STK32C: variants seen among roughly 807,000 people sequenced by gnomAD.
The protein encoded by STK32C is serine/threonine kinase 32C, also known as serine/threonine-protein kinase 32C.
A neutral mutation model predicts 56.5 loss-of-function variants in STK32C; 31 were observed. The observed-to-expected ratio is 0.55, with a 90% CI of 0.41 to 0.74. The LOEUF (loss-of-function observed/expected upper bound fraction) is 0.74, where lower values mean the gene tolerates loss of function less well. Among genes scored for constraint, STK32C ranks in the 30% least tolerant of loss-of-function variants. STK32C has a pLI of 0.00. For synonymous variants in STK32C, 309 were observed against 289.4 expected (o/e 1.07, Z -0.69); for missense variants, 544 against 676.9 (o/e 0.80, Z 2.18).
At chr10:132,329,594 A>C (rs1482242097) in intron 1 of STK32C, among the ~76,000 whole-genome samples, 1 of 152,242 alleles carries the variant, frequency 6.6e-6, no homozygotes. Flanking sequence ...CAGATTAAAC[A>C]AACTAATTGG....
At chr10:132,224,915 G>A (rs2062829374) in intron 7 of STK32C, among the ~76,000 whole-genome samples, 1 of 152,204 alleles carries the variant, frequency 6.6e-6, no homozygotes, top group South Asian at 2.1e-4. Context: ...TAAGAGCACA[G>A]GGCCCCAAAA....
intron 10 of STK32C, among the ~76,000 whole-genome samples, chr10:132,218,253 A>T (rs2062529686): frequency 6.6e-6 from 1 of 152,194 alleles, no homozygotes; most frequent in South Asian, 2.1e-4. Flanking sequence ...CAGGAAGTCA[A>T]GGCTGAAGTG....
At chr10:132,322,736 G>A (rs1019128626), downstream of STK32C, among the ~76,000 whole-genome samples, 6 of 152,196 alleles carry the variant, frequency 3.9e-5, no homozygotes, top group Non-Finnish European at 5.9e-5. Flanking sequence ...CCTGATCTGG[G>A]AAGCCCTCCT....
intron 1 of STK32C, among the ~76,000 whole-genome samples, chr10:132,248,160 C>T: frequency 6.6e-6 from 1 of 152,248 alleles, no homozygotes; most frequent in Non-Finnish European, 1.5e-5. Context: ...GCCGCGGCCG[C>T]ACAGGCAGGG....
At chr10:132,331,355 G>T in intron 1 of STK32C, 2 of 1,424,744 alleles carry the variant, frequency 1.4e-6, no homozygotes, top group Non-Finnish European at 1.9e-6. Context: ...GGTTCCACAG[G>T]ACCACGCGAG....
At chr10:132,297,952 T>A (rs1163359241) in intron 1 of STK32C, among the ~76,000 whole-genome samples, 1 of 152,266 alleles carries the variant, frequency 6.6e-6, no homozygotes, top group Non-Finnish European at 1.5e-5. Context: ...AGATGCTTTG[T>A]GTCTCCTGGG....
chr10:132,305,577 C>T (rs1183897634), intron 1 of STK32C, among the ~76,000 whole-genome samples: 1 of 152,210 alleles, frequency 6.6e-6, no homozygotes, highest in African/African-American at 2.4e-5. Flanking sequence ...AGGCAAATGA[C>T]TGCACCAACC....
chr10:132,261,791 G>A (rs1439355850), intron 1 of STK32C, among the ~76,000 whole-genome samples: 2 of 152,080 alleles, frequency 1.3e-5, no homozygotes, highest in East Asian at 3.8e-4. Context: ...AAAGAAGTCA[G>A]AGATGACACA....
upstream of STK32C, chr10:132,307,995 G>A (rs1163976046): frequency 7.2e-6 from 7 of 968,130 alleles, no homozygotes; most frequent in Non-Finnish European, 7.4e-6. This position sits in a 1 kb window ranked among gnomAD's most constrained non-coding sequence, Gnocchi z 4.4. Context: ...TGGGGGCGGG[G>A]CAGGGGCGGG....
At chr10:132,228,212 G>C in intron 2 of STK32C, 84 bp from the exon 3 acceptor site, 2 of 1,587,696 alleles carry the variant, frequency 1.3e-6, no homozygotes, top group Non-Finnish European at 1.7e-6. Context: ...GGGGATGCCT[G>C]GGGACGCATC....
At chr10:132,223,075 A>T in intron 8 of STK32C, 89 bp from the exon 9 acceptor site, 3 of 1,478,164 alleles carry the variant, frequency 2.0e-6, no homozygotes, top group Non-Finnish European at 2.7e-6. Flanking sequence ...CACCTTGAGG[A>T]GGGTCCCACC....
At chr10:132,259,017 T>TA (rs1565119819) in intron 1 of STK32C, among the ~76,000 whole-genome samples, 1 of 149,964 alleles carries the variant, frequency 6.7e-6, no homozygotes, top group Non-Finnish European at 1.5e-5. Context: ...AACAGGGCTA[T>TA]AGCTTGGGAG....
At position 132,318,621 on chromosome 10, in the gene STK32C, C is replaced by CAA. The variant is rs1289169803; in HGVS notation, c.301+12813_301+12814dup. Among the ~76,000 whole-genome samples the CAA allele has an allele frequency of 1.9e-3, 225 of 117,556 alleles. 2 individuals carry two copies. Among genetic ancestry groups the CAA allele is most frequent in the African/African-American group, 6.2e-3 (200 of 32,170 alleles). The allele number at this position is 117,556 out of a possible 152,430, so 77.1% of individuals were successfully genotyped here. Reference sequence around the variant, plus strand: ...CAGAGTGAGACCTTGCCTCAAAAAACAAAAAAAAAAAGGAAAAGAAAAGAA... The same window carrying CAA: ...CAGAGTGAGACCTTGCCTCAAAAAACAAAAAAAAAAAAAGGAAAAGAAAAGAA... On this transcript the variant is annotated intron_variant, in intron 1 of 3. Coordinates refer to the STK32C transcript ENST00000368620.
In STK32C at chr10:132,224,654, A is replaced by G. The variant is rs374680180; in HGVS notation, c.877-131T>C. 49 of 693,242 alleles carry G rather than the reference A, an allele frequency of 7.1e-5. No individual in the cohort carries two copies. In the Middle Eastern group the frequency reaches 1.5e-3, roughly 21 times the overall value. The allele number at this position is 693,242 out of a possible 1,614,324, so 42.9% of individuals were successfully genotyped here. On this transcript the variant is annotated intron_variant, in intron 7 of 11. Transcript: ENST00000298630. ...CCCAAGTGCAGGCACAGCTCTGAGCACAGCCTGGCCTCCACCTGCCGCGGA... is the reference window on the plus strand; with the variant it reads ...CCCAAGTGCAGGCACAGCTCTGAGCGCAGCCTGGCCTCCACCTGCCGCGGA...
chr10:132,267,060 G>A (rs1460367177), intron 1 of STK32C, among the ~76,000 whole-genome samples: 7 of 152,212 alleles, frequency 4.6e-5, no homozygotes, highest in African/African-American at 1.7e-4. Context: ...ACCCAAAGCT[G>A]GGTCAGAAGC....
At chr10:132,252,871 G>A (rs964909129) in intron 1 of STK32C, among the ~76,000 whole-genome samples, 1 of 152,170 alleles carries the variant, frequency 6.6e-6, no homozygotes, top group African/African-American at 2.4e-5. Context: ...CCGAGCGTGG[G>A]GCCGCCTCCT....
intron 10 of STK32C, among the ~76,000 whole-genome samples, chr10:132,211,366 C>T (rs967558938): frequency 5.3e-5 from 8 of 152,190 alleles, no homozygotes; most frequent in Non-Finnish European, 1.0e-4. Flanking sequence ...CATGAGCGCC[C>T]GTCGTGGCCC....
intron 2 of STK32C, 127 bp downstream of exon 2, chr10:132,245,773 C>T: frequency 1.1e-6 from 1 of 919,666 alleles, no homozygotes; most frequent in South Asian, 1.5e-5. Context: ...GACCTGGAGC[C>T]TCTGCCCAGG....
intron 1 of STK32C, among the ~76,000 whole-genome samples, chr10:132,330,034 G>C (rs1415649698): frequency 6.6e-6 from 1 of 152,192 alleles, no homozygotes; most frequent in Non-Finnish European, 1.5e-5. Flanking sequence ...CAAGGAACGC[G>C]GCACCAGCTC....
Sources: gnomAD v4.1 joint callset for allele counts (sites outside exome capture counted in the v4.1 genomes callset) on GRCh38, gnomAD v4.1.1 for gene constraint, Gnocchi (gnomAD v3.1) non-coding constraint, MANE v1.5 for transcripts, NCBI Gene and HGNC (gene_info 2026-07-23, HGNC 2026-07-21) for gene names.